DGKG: variants seen among roughly 807,000 people sequenced by gnomAD.
DGKG encodes diacylglycerol kinase gamma, also known as DAG kinase gamma.
In DGKG, 78 loss-of-function variants were observed where a neutral mutation model predicts 105.3. That is an observed-to-expected ratio of 0.74 (90% confidence interval 0.62 to 0.89). The LOEUF is 0.89. Among genes scored for constraint, DGKG ranks in the 40% least tolerant of loss-of-function variants. The pLI, the probability that DGKG is intolerant of heterozygous loss-of-function variation, is 0.00. For missense variants in DGKG, 958 were observed against 1,020.1 expected, an observed-to-expected ratio of 0.94 and a Z score of 0.83; for synonymous variants, 346 against 367.1, an observed-to-expected ratio of 0.94 and a Z score of 0.66.
chr3:186,245,578 C>T (rs957810337), intron 19 of DGKG, among the ~76,000 whole-genome samples: 4 of 152,230 alleles, frequency 2.6e-5, no homozygotes, highest in African/African-American at 9.7e-5. Flanking sequence ...GACTTCTGTT[C>T]TGAAGGCAGG....
chr3:186,159,271 G>C (rs1212094167), intron 24 of DGKG: 1 of 151,884 alleles, frequency 6.6e-6, no homozygotes, highest in African/African-American at 2.4e-5. Flanking sequence ...GATTTGAAAG[G>C]TGTGCACCCT....
chr3:186,264,450 G>A (rs1185750899), intron 14 of DGKG, among the ~76,000 whole-genome samples: 3 of 152,140 alleles, frequency 2.0e-5, no homozygotes, highest in Non-Finnish European at 4.4e-5. Context: ...TTTTAGTAGA[G>A]ATGGGGTTTC....
At chr3:186,333,855 C>CGT (rs377040487) in intron 1 of DGKG, among the ~76,000 whole-genome samples, 6 of 151,966 alleles carry the variant, frequency 3.9e-5, no homozygotes, top group Non-Finnish European at 1.5e-5. Flanking sequence ...GTGGTATGTA[C>CGT]GTGTGTGTGT....
At chr3:186,319,338 G>C (rs902368246) in intron 2 of DGKG, among the ~76,000 whole-genome samples, 1 of 152,106 alleles carries the variant, frequency 6.6e-6, no homozygotes, top group African/African-American at 2.4e-5. Flanking sequence ...CTGAGACCCA[G>C]GGATGTTCAG....
intron 20 of DGKG, among the ~76,000 whole-genome samples, chr3:186,239,663 G>A (rs1720581264): frequency 1.3e-5 from 2 of 152,222 alleles, no homozygotes; most frequent in Admixed American, 1.3e-4. Context: ...TGAAATAGGT[G>A]CTACCTCAGC....
intron 7 of DGKG, among the ~76,000 whole-genome samples, chr3:186,282,767 C>A (rs1462269371): frequency 6.6e-6 from 1 of 152,184 alleles, no homozygotes; most frequent in East Asian, 1.9e-4. Context: ...CCGCCCACCT[C>A]AGCTTCCCAA....
chr3:186,359,500 A>C (rs1727128561), intron 1 of DGKG, among the ~76,000 whole-genome samples: 1 of 152,200 alleles, frequency 6.6e-6, no homozygotes, highest in African/African-American at 2.4e-5. Context: ...TTTGAGTCAG[A>C]CAGCCTGGGT....
intron 22 of DGKG, among the ~76,000 whole-genome samples, chr3:186,184,962 A>G (rs924271298): frequency 2.0e-5 from 3 of 152,220 alleles, no homozygotes; most frequent in Non-Finnish European, 2.9e-5. Context: ...AAGAGTCCAC[A>G]TAGACCAAAA....
intron 1 of DGKG, among the ~76,000 whole-genome samples, chr3:186,323,208 T>C (rs1299232978): frequency 6.6e-6 from 1 of 152,248 alleles, no homozygotes; most frequent in Non-Finnish European, 1.5e-5. Context: ...CTCTTTATGA[T>C]CTGGCTCGTG....
chr3:186,241,801 G>A (rs1448090210), intron 20 of DGKG, among the ~76,000 whole-genome samples: 1 of 152,198 alleles, frequency 6.6e-6, no homozygotes, highest in Admixed American at 6.5e-5. Context: ...GAAAGGGGTA[G>A]CTATACGTCA....
At chr3:186,251,651 G>T (rs1052337184) in intron 19 of DGKG, 108 bp downstream of exon 19, 4 of 1,295,192 alleles carry the variant, frequency 3.1e-6, no homozygotes, top group South Asian at 2.6e-5. Context: ...GGGCTGGGGG[G>T]GCAGGTAAGA....
rs1448469924 is a variant in DGKG at position 186,298,229 on chromosome 3, G to T, written c.145C>A (p.Pro49Thr). Residue 49 changes from proline to threonine, a missense_variant and splice_region_variant, in exon 4 of 25, where the codon CCG becomes ACG. By Grantham distance (38) the Pro-to-Thr change is conservative. This residue lies in a region of DGKG where 643 missense variants were observed against 619.5 expected (regional missense o/e 1.04). Coordinates refer to ENST00000265022, the MANE Select transcript of DGKG (RefSeq NM_001346.3). ...GSLKQYDPHE[P>T]ISYDVFKLFM... ...AGCTTGAAGACATCATAGCTAATCG[G>T]CTGAGAAGGGGCAAAAGGGCAAAGT... 2 of 1,589,050 alleles carry T rather than the reference G, an allele frequency of 1.3e-6. No homozygotes were observed. Among genetic ancestry groups the T allele is most frequent in the Non-Finnish European group, 1.7e-6 (2 of 1,167,820 alleles).
Position 186,148,244 on chromosome 3 carries a change from G to A in DGKG, c.*1846C>T. The A allele has an allele frequency of 1.0e-6, 1 of 985,442 alleles. No individual in the cohort carries two copies. The highest frequency in any genetic ancestry group is 1.2e-6 in the Non-Finnish European group (1 of 829,974). The allele number at this position is 985,442 out of a possible 1,614,324, so 61.0% of individuals were successfully genotyped here. On this transcript the variant is annotated 3_prime_UTR_variant, in exon 25 of 25. Coordinates refer to ENST00000265022, the MANE Select transcript of DGKG (RefSeq NM_001346.3). ...AGCTCTGCTGAGACCCCTCTGTCCT[G>A]GCTGGCAGTATCTTGCAGAAGACGC... is the stretch of plus-strand genomic sequence containing the variant.
chr3:186,228,797 C>G (rs777263797), intron 20 of DGKG, among the ~76,000 whole-genome samples: 1 of 152,170 alleles, frequency 6.6e-6, no homozygotes, highest in South Asian at 2.1e-4. Flanking sequence ...TTGTTCACGT[C>G]CCTTCGTGAA....
At chr3:186,219,930 T>C (rs1719481887) in intron 20 of DGKG, among the ~76,000 whole-genome samples, 1 of 152,206 alleles carries the variant, frequency 6.6e-6, no homozygotes, top group African/African-American at 2.4e-5. Context: ...AGGGACTTAT[T>C]ATAGCCAGGG....
intron 2 of DGKG, chr3:186,313,435 T>C (rs1280808493): frequency 1.1e-6 from 1 of 917,282 alleles, no homozygotes; most frequent in East Asian, 1.2e-4. Context: ...ATGACTTATT[T>C]GTGTAAGTAA....
intron 2 of DGKG, among the ~76,000 whole-genome samples, chr3:186,320,068 A>G (rs998216919): frequency 1.3e-5 from 2 of 152,238 alleles, no homozygotes; most frequent in Non-Finnish European, 2.9e-5. Flanking sequence ...CAGGGTGTAT[A>G]CAGTGTGAGC....
intron 2 of DGKG, among the ~76,000 whole-genome samples, chr3:186,319,353 G>A (rs562208325): frequency 6.6e-6 from 1 of 152,288 alleles, no homozygotes; most frequent in East Asian, 1.9e-4. Context: ...GTTCAGGGAT[G>A]TCACAGCATA....
At chr3:186,306,694 T>C in intron 3 of DGKG, 1 of 515,142 alleles carries the variant, frequency 1.9e-6, no homozygotes, top group Non-Finnish European at 3.4e-6. Context: ...GGAGAAGTAG[T>C]GGTAGTCTTC....
Sources: allele counts gnomAD v4.1 joint callset (sites outside exome capture counted in the v4.1 genomes callset), GRCh38; gene constraint gnomAD v4.1.1; regional missense constraint gnomAD v4.1.1; transcripts MANE v1.5; gene names NCBI Gene and HGNC (gene_info 2026-07-23, HGNC 2026-07-21).